Variants in HMBOX1 observed in about 807,000 individuals in gnomAD.
The protein encoded by HMBOX1 is homeobox-containing protein 1.
HMBOX1 carries 14 observed loss-of-function variants against 54.5 expected under a neutral mutation model. The observed-to-expected ratio is 0.26, with a 90% CI of 0.17 to 0.40. The LOEUF is 0.40. HMBOX1 is among the 10% of genes least tolerant of loss of function. HMBOX1 has a pLI of 1.00. For missense variants in HMBOX1, 332 were observed against 514.4 expected (o/e 0.65, Z 3.43); for synonymous variants, 160 against 181.0 (o/e 0.88, Z 0.93).
chr8:29,033,365 A>G (rs1345296015), intron 6 of HMBOX1, among the ~76,000 whole-genome samples: 1 of 152,212 alleles, frequency 6.6e-6, no homozygotes, highest in Non-Finnish European at 1.5e-5. Flanking sequence ...CTCTCTACAA[A>G]TAGAAGGCAG....
At chr8:29,021,715 C>A (rs961154494) in intron 6 of HMBOX1, among the ~76,000 whole-genome samples, 3 of 151,930 alleles carry the variant, frequency 2.0e-5, no homozygotes, top group South Asian at 2.1e-4. Context: ...AAAAAATTAG[C>A]CGGGCGTGGT....
chr8:28,953,503 T>C (rs1008418906), intron 1 of HMBOX1, among the ~76,000 whole-genome samples: 1 of 152,228 alleles, frequency 6.6e-6, no homozygotes, highest in African/African-American at 2.4e-5. Context: ...GTCACTGTTA[T>C]GTGTAGCTGT....
chr8:29,014,652 C>G (rs1834727438), intron 5 of HMBOX1, among the ~76,000 whole-genome samples: 1 of 152,110 alleles, frequency 6.6e-6, no homozygotes, highest in Non-Finnish European at 1.5e-5. Flanking sequence ...TCATTTTTCA[C>G]CTTCTGTGTG....
At chr8:28,965,312 A>G (rs1826251390) in intron 2 of HMBOX1, among the ~76,000 whole-genome samples, 1 of 152,206 alleles carries the variant, frequency 6.6e-6, no homozygotes. Flanking sequence ...GATTTTTGTC[A>G]CATATGGTAG....
intron 1 of HMBOX1, among the ~76,000 whole-genome samples, chr8:28,918,195 T>C (rs1308502794): frequency 6.6e-6 from 1 of 151,970 alleles, no homozygotes; most frequent in Non-Finnish European, 1.5e-5. Context: ...ACTATTCATG[T>C]TATTTTTATT....
intron 2 of HMBOX1, among the ~76,000 whole-genome samples, chr8:28,967,045 T>G (rs1412939342): frequency 1.3e-5 from 2 of 152,230 alleles, no homozygotes; most frequent in African/African-American, 4.8e-5. Context: ...TATGTCTGCT[T>G]CTTCCTCCCA....
At chr8:29,027,364 T>C (rs1046483108) in intron 6 of HMBOX1, among the ~76,000 whole-genome samples, 3 of 152,180 alleles carry the variant, frequency 2.0e-5, no homozygotes, top group African/African-American at 7.2e-5. Context: ...GGAGTAGATC[T>C]GAAGAGAAGG....
chr8:29,007,448 A>T (rs759231921), intron 4 of HMBOX1, among the ~76,000 whole-genome samples: 13 of 152,198 alleles, frequency 8.5e-5, no homozygotes, highest in Admixed American at 6.5e-5. Flanking sequence ...TCCACTGGAA[A>T]ACTGCTGTGT....
chr8:28,950,203 C>T (rs1586027499), intron 1 of HMBOX1, among the ~76,000 whole-genome samples: 1 of 152,140 alleles, frequency 6.6e-6, no homozygotes, highest in East Asian at 1.9e-4. Context: ...TCAACCAGTA[C>T]ATAGTTTCCA....
At chr8:28,934,866 G>T (rs2131946222) in intron 1 of HMBOX1, among the ~76,000 whole-genome samples, 1 of 151,494 alleles carries the variant, frequency 6.6e-6, no homozygotes, top group East Asian at 1.9e-4. Context: ...GGCGGAGCTT[G>T]CAGTGAGCCG....
intron 6 of HMBOX1, among the ~76,000 whole-genome samples, chr8:29,039,860 T>C (rs1237648154): frequency 6.6e-6 from 1 of 152,160 alleles, no homozygotes; most frequent in Admixed American, 6.6e-5. Context: ...GGGATTAAGA[T>C]GGGATTTGTT....
intron 1 of HMBOX1, among the ~76,000 whole-genome samples, chr8:28,933,101 G>A (rs12678197): frequency 6.6e-6 from 1 of 152,156 alleles, no homozygotes; most frequent in African/African-American, 2.4e-5. Context: ...GAAAGAAGGG[G>A]AAAGTCACAT....
At chr8:28,981,937 C>T (rs557589864) in intron 4 of HMBOX1, among the ~76,000 whole-genome samples, 89 of 152,208 alleles carry the variant, frequency 5.8e-4, no homozygotes, top group African/African-American at 1.9e-3. Context: ...TTGCTAGAAT[C>T]GTAAAAATAC....
chr8:28,893,732 T>C (rs1351901678), intron 1 of HMBOX1, among the ~76,000 whole-genome samples: 2 of 152,240 alleles, frequency 1.3e-5, no homozygotes, highest in Admixed American at 6.5e-5. Flanking sequence ...ATGGCAATTT[T>C]TGTGGCAAGT....
intron 1 of HMBOX1, among the ~76,000 whole-genome samples, chr8:28,911,963 A>G (rs1214741783): frequency 2.6e-5 from 4 of 152,154 alleles, no homozygotes; most frequent in Non-Finnish European, 5.9e-5. Context: ...ACTATACTTC[A>G]TATTTTGAAT....
chr8:28,929,204 G>A (rs1404047957), intron 1 of HMBOX1, among the ~76,000 whole-genome samples: 2 of 152,200 alleles, frequency 1.3e-5, no homozygotes, highest in Admixed American at 1.3e-4. Context: ...GAAAGGGTGG[G>A]ATGGGGTCAG....
intron 1 of HMBOX1, among the ~76,000 whole-genome samples, chr8:28,955,652 G>T (rs1176858975): frequency 6.6e-6 from 1 of 151,978 alleles, no homozygotes; most frequent in African/African-American, 2.4e-5. Context: ...ACAACTCTTT[G>T]TAGAAATAAG....
intron 3 of HMBOX1, among the ~76,000 whole-genome samples, chr8:28,978,711 C>T (rs967204800): frequency 1.4e-5 from 2 of 139,018 alleles, no homozygotes; most frequent in Admixed American, 8.2e-5. Context: ...TGCTTGCGCC[C>T]GGTAGGTGGA....
intron 3 of HMBOX1, among the ~76,000 whole-genome samples, chr8:28,975,906 T>G (rs1163718897): frequency 6.6e-6 from 1 of 152,072 alleles, no homozygotes; most frequent in Non-Finnish European, 1.5e-5. Flanking sequence ...TTTCATAGAT[T>G]ACAATGAGGA....
Sources: gnomAD v4.1 joint callset for allele counts (sites outside exome capture counted in the v4.1 genomes callset) on GRCh38, gnomAD v4.1.1 for gene constraint, MANE v1.5 for transcripts, NCBI Gene and HGNC (gene_info 2026-07-23, HGNC 2026-07-21) for gene names.